NRXN3: variants seen among roughly 807,000 people sequenced by gnomAD.
NRXN3 encodes neurexin 3.
In NRXN3, 32 loss-of-function variants were observed where a neutral mutation model predicts 137.6. The observed-to-expected ratio is 0.23, with a 90% confidence interval of 0.18 to 0.31. NRXN3 has a LOEUF of 0.31. Ranked by LOEUF, NRXN3 falls within the 10% of genes least tolerant of loss-of-function variation. The pLI is 1.00. For synonymous variants in NRXN3, 798 were observed against 784.5 expected (o/e 1.02, Z -0.29); for missense variants, 1,574 against 2,062.5 (o/e 0.76, Z 4.59).
At chr14:79,335,672 C>A (rs112169482) in intron 15 of NRXN3, among the ~76,000 whole-genome samples, 1 of 151,686 alleles carries the variant, frequency 6.6e-6, no homozygotes, top group African/African-American at 2.4e-5. Context: ...ATATATATAT[C>A]ATTGTTTGTA....
At chr14:79,505,645 AT>A (rs1274356239) in intron 16 of NRXN3, among the ~76,000 whole-genome samples, 1 of 152,240 alleles carries the variant, frequency 6.6e-6, no homozygotes, top group East Asian at 1.9e-4. Flanking sequence ...TTACATAGTT[AT>A]CAAAGTCATT....
At chr14:79,386,999 C>G (rs1433018689) in intron 15 of NRXN3, among the ~76,000 whole-genome samples, 6 of 152,108 alleles carry the variant, frequency 3.9e-5, no homozygotes, top group Non-Finnish European at 8.8e-5. Context: ...CATAAAAACT[C>G]TAGAAGAAAA....
At chr14:79,649,498 T>C (rs2098466131) in intron 16 of NRXN3, among the ~76,000 whole-genome samples, 1 of 152,080 alleles carries the variant, frequency 6.6e-6, no homozygotes. Context: ...TGCTAGGGAG[T>C]ATAAGGAAGG....
At chr14:78,245,767 C>T (rs2067581728) in intron 2 of NRXN3, among the ~76,000 whole-genome samples, 1 of 152,206 alleles carries the variant, frequency 6.6e-6, no homozygotes, top group South Asian at 2.1e-4. Flanking sequence ...GGTTGGGCAT[C>T]ACAACTTTCT....
chr14:79,278,998 G>T (rs1273111949), intron 15 of NRXN3, among the ~76,000 whole-genome samples: 1 of 152,206 alleles, frequency 6.6e-6, no homozygotes, highest in African/African-American at 2.4e-5. Flanking sequence ...GGCCTTAGCC[G>T]CCGCCCTTAC....
chr14:78,774,382 T>C (rs1354962546), intron 8 of NRXN3, among the ~76,000 whole-genome samples: 1 of 152,226 alleles, frequency 6.6e-6, no homozygotes, highest in South Asian at 2.1e-4. Context: ...TTCTGTAATA[T>C]TCTGTGTGAA....
chr14:78,893,464 G>T (rs945028380), intron 10 of NRXN3, among the ~76,000 whole-genome samples: 2 of 151,828 alleles, frequency 1.3e-5, no homozygotes, highest in Admixed American at 1.3e-4. Context: ...AAAGTCAATT[G>T]GTAAAGTCAC....
At chr14:78,919,869 A>G (rs1215850287) in intron 10 of NRXN3, among the ~76,000 whole-genome samples, 1 of 152,168 alleles carries the variant, frequency 6.6e-6, no homozygotes, top group African/African-American at 2.4e-5. Flanking sequence ...TTTATTAAGC[A>G]CTTATTATAT....
chr14:78,293,275 C>T lies in NRXN3; in HGVS notation c.728-4556C>T, dbSNP rs149394605. Among the ~76,000 whole-genome samples the T allele has an allele frequency of 2.3e-3, 353 of 152,258 alleles. 1 individual carries two copies. The highest frequency in any genetic ancestry group is 5.4e-3 in the South Asian group (26 of 4,822). On this transcript the variant is annotated intron_variant, in intron 3 of 20. Transcript: ENST00000335750. ...TGTCATTCACTGACACAGGTGCTGA[C>T]CCTCTCATCTATGAATGGGGTTGTG...
rs1468084878 is a variant in NRXN3, at chr14:78,402,436, C to T, written c.757+104576C>T. Among the ~76,000 whole-genome samples the T allele has an allele frequency of 2.0e-5, 3 of 152,132 alleles. No individual in the cohort carries two copies. In the East Asian group the frequency reaches 5.8e-4, roughly 29 times the overall value. On this transcript the variant is annotated intron_variant, in intron 4 of 20. Coordinates refer to ENST00000335750, the MANE Select transcript of NRXN3 (RefSeq NM_001330195.2). ...TATATGAATTATAAGTGAGTAGGTG[C>T]TGCCCAAGTGCTTAAAAGCCGTTTG...
rs566177548 is a variant in NRXN3, at chr14:78,488,403, C to T, written c.758-156717C>T. Among the ~76,000 whole-genome samples, 7 of 152,268 alleles carry T rather than the reference C, an allele frequency of 4.6e-5. No homozygotes were observed. The South Asian group carries it at 1.2e-3, about 27-fold the overall frequency. On this transcript the variant is annotated intron_variant, in intron 4 of 20. Coordinates refer to ENST00000335750, the MANE Select transcript of NRXN3 (RefSeq NM_001330195.2). ...CACTTGATCCCTATGATCTAAAGCC[C>T]TGCTCTGCAATTCTAGAGATTGCTT...
chr14:78,680,676 A>G lies in NRXN3; in HGVS notation c.1222-28541A>G, dbSNP rs2098065268. On this transcript the variant is annotated intron_variant, in intron 6 of 20. Coordinates refer to ENST00000335750, the MANE Select transcript of NRXN3 (RefSeq NM_001330195.2). The stretch of plus-strand genomic sequence containing the variant: ...GAAAGTAGAGTGGTTTGATTTTATC[A>G]ACTGGAACAAACAACTCAACAGTTT... Among the ~76,000 whole-genome samples the G allele has an allele frequency of 2.0e-5, 3 of 152,146 alleles. No homozygotes were observed. The South Asian group carries it at 6.2e-4, about 32-fold the overall frequency.
At chr14:79,572,565 T>A (rs1443001790) in intron 16 of NRXN3, among the ~76,000 whole-genome samples, 1 of 152,164 alleles carries the variant, frequency 6.6e-6, no homozygotes, top group East Asian at 1.9e-4. Flanking sequence ...TCAGGACAAG[T>A]GGACTCTGAA....
At chr14:79,323,959 A>G (rs2153276060) in intron 15 of NRXN3, among the ~76,000 whole-genome samples, 1 of 152,354 alleles carries the variant, frequency 6.6e-6, no homozygotes, top group South Asian at 2.1e-4. Flanking sequence ...ATGAGGAGAG[A>G]TCAACAGTAA....
At chr14:79,792,419 GT>G (rs1379454231) in intron 19 of NRXN3, among the ~76,000 whole-genome samples, 1 of 152,132 alleles carries the variant, frequency 6.6e-6, no homozygotes, top group Non-Finnish European at 1.5e-5. Context: ...ATCCCTAAAA[GT>G]TTGTCATTAA....
intron 10 of NRXN3, among the ~76,000 whole-genome samples, chr14:78,839,383 C>A (rs1479391042): frequency 6.6e-6 from 1 of 152,148 alleles, no homozygotes; most frequent in African/African-American, 2.4e-5. Flanking sequence ...CACAGTCAGT[C>A]GTGATAAGGA....
chr14:79,272,427 C>T (rs1393996165), intron 15 of NRXN3, among the ~76,000 whole-genome samples: 2 of 151,954 alleles, frequency 1.3e-5, no homozygotes, highest in Non-Finnish European at 2.9e-5. Flanking sequence ...GAGGTACAGT[C>T]ACAATCACTT....
At chr14:79,125,596 G>C (rs950442718) in intron 15 of NRXN3, among the ~76,000 whole-genome samples, 1 of 152,114 alleles carries the variant, frequency 6.6e-6, no homozygotes. Context: ...TTGCAATGCA[G>C]TCTTAAATAG....
At chr14:78,526,149 A>G (rs1164954359) in intron 4 of NRXN3, among the ~76,000 whole-genome samples, 2 of 152,224 alleles carry the variant, frequency 1.3e-5, no homozygotes, top group African/African-American at 2.4e-5. Context: ...GAACAGCTGA[A>G]TTCCAGAGAT....
Sources: gnomAD v4.1 joint callset for allele counts (sites outside exome capture counted in the v4.1 genomes callset) on GRCh38, gnomAD v4.1.1 for gene constraint, MANE v1.5 for transcripts, NCBI Gene and HGNC (gene_info 2026-07-23, HGNC 2026-07-21) for gene names.